EYS: variants seen among roughly 807,000 people sequenced by gnomAD.
EYS encodes EGF-like photoreceptor maintenance factor, also known as protein eyes shut homolog.
A neutral mutation model predicts 282.1 loss-of-function variants in EYS; 250 were observed. The observed-to-expected ratio is 0.89, with a 90% CI of 0.80 to 0.98. EYS has a LOEUF of 0.98. EYS is among the 50% of genes least tolerant of loss of function. EYS has a pLI of 0.00. For missense variants in EYS, 4,016 were observed against 3,709.0 expected, an observed-to-expected ratio of 1.08 and a Z score of -2.15; for synonymous variants, 1,355 against 1,282.9, an observed-to-expected ratio of 1.06 and a Z score of -1.20.
At chr6:64,004,039 A>T (rs761712513) in intron 33 of EYS, among the ~76,000 whole-genome samples, 1 of 152,212 alleles carries the variant, frequency 6.6e-6, no homozygotes, top group Non-Finnish European at 1.5e-5. Context: ...ATGAGAATGG[A>T]CTAATACACA....
intron 12 of EYS, among the ~76,000 whole-genome samples, chr6:65,091,424 T>C (rs992591134): frequency 2.3e-4 from 35 of 150,972 alleles, no homozygotes; most frequent in African/African-American, 8.5e-4. Context: ...CACTCCAGAC[T>C]GGGTGAGAGA....
At chr6:64,396,764 T>C (rs946656120) in intron 28 of EYS, among the ~76,000 whole-genome samples, 2 of 152,110 alleles carry the variant, frequency 1.3e-5, no homozygotes. Flanking sequence ...TTTTCTGTTC[T>C]ACTGGTCAAT....
intron 5 of EYS, among the ~76,000 whole-genome samples, chr6:65,423,877 T>C (rs1767560837): frequency 1.3e-5 from 2 of 152,070 alleles, no homozygotes; most frequent in African/African-American, 2.4e-5. Flanking sequence ...TAGGGTTTAC[T>C]TTATCCCTGA....
intron 23 of EYS, among the ~76,000 whole-genome samples, chr6:64,618,508 C>A (rs1337532158): frequency 6.6e-6 from 1 of 152,126 alleles, no homozygotes; most frequent in Non-Finnish European, 1.5e-5. Flanking sequence ...AATCTGAACC[C>A]TGGCTGTTGG....
intron 22 of EYS, among the ~76,000 whole-genome samples, chr6:64,706,008 A>G (rs1444597885): frequency 9.7e-6 from 1 of 102,838 alleles, no homozygotes; most frequent in African/African-American, 3.4e-5. Context: ...CTAACTAAAT[A>G]AAAATTATTC....
intron 12 of EYS, among the ~76,000 whole-genome samples, chr6:65,085,721 C>T (rs1485208866): frequency 2.0e-5 from 3 of 152,080 alleles, no homozygotes; most frequent in African/African-American, 7.2e-5. Context: ...CAAGGCTTTC[C>T]ATAGTGTCTC....
At chr6:65,513,298 A>G (rs961997549) in intron 2 of EYS, among the ~76,000 whole-genome samples, 1 of 152,128 alleles carries the variant, frequency 6.6e-6, no homozygotes, top group African/African-American at 2.4e-5. Context: ...GCAATAATCA[A>G]TAGCTTACCA....
chr6:64,422,504 C>T (rs1042862630), intron 28 of EYS, among the ~76,000 whole-genome samples: 1 of 152,168 alleles, frequency 6.6e-6, no homozygotes, highest in African/African-American at 2.4e-5. Flanking sequence ...GGTACTTGGT[C>T]AATTGGAATG....
At chr6:64,259,582 C>T (rs115818236) in intron 30 of EYS, among the ~76,000 whole-genome samples, 28 of 151,836 alleles carry the variant, frequency 1.8e-4, no homozygotes, top group Middle Eastern at 3.4e-3. Context: ...TGCCAATTAG[C>T]AAACACAGAT....
chr6:63,878,087 T>G (rs564240108), intron 35 of EYS, among the ~76,000 whole-genome samples: 11 of 152,318 alleles, frequency 7.2e-5, no homozygotes, highest in African/African-American at 2.6e-4. Flanking sequence ...TCTGCTCTGG[T>G]TTCTCCCTAT....
Position 64,886,834 on chromosome 6 carries a change from C to T in EYS, c.2855G>A (p.Cys952Tyr). The change falls in exon 19 of 43, where the codon TGT becomes TAT. Residue 952 changes from cysteine (C) to tyrosine (Y), a missense_variant. Coordinates refer to ENST00000503581, the MANE Select transcript of EYS (RefSeq NM_001142800.2). ...CCCATGGTACTCAGGTTCACAATTA[C>T]AAAAAAATCTGGAGAAAAGTGGAGA... is the stretch of plus-strand genomic sequence containing the variant. ...TCVDLTNRFF[C>Y]NCEPEYHGPF... 4 of 1,515,008 alleles carry T rather than the reference C, an allele frequency of 2.6e-6. No homozygotes were observed. In the South Asian group the frequency reaches 3.9e-5, roughly 15 times the overall value. 93.8% of individuals were successfully genotyped at this position (1,515,008 alleles called of 1,614,324 possible).
intron 29 of EYS, among the ~76,000 whole-genome samples, chr6:64,372,168 C>A (rs1772401461): frequency 1.2e-5 from 1 of 81,130 alleles, no homozygotes; most frequent in East Asian, 3.7e-4. Flanking sequence ...TTTGTAGTGG[C>A]CAGGAATGGT....
chr6:65,424,601 C>T (rs969083586), intron 5 of EYS, among the ~76,000 whole-genome samples: 2 of 152,102 alleles, frequency 1.3e-5, no homozygotes, highest in South Asian at 4.2e-4. Context: ...TTTTACCAAT[C>T]AGTACACAAT....
At chr6:65,459,101 G>C (rs997846926) in intron 5 of EYS, among the ~76,000 whole-genome samples, 1 of 151,978 alleles carries the variant, frequency 6.6e-6, no homozygotes, top group Admixed American at 6.6e-5. Flanking sequence ...TGCTATGATA[G>C]AATTATACAC....
intron 33 of EYS, among the ~76,000 whole-genome samples, chr6:64,056,987 A>G (rs1771007923): frequency 6.6e-6 from 1 of 152,216 alleles, no homozygotes; most frequent in Non-Finnish European, 1.5e-5. Flanking sequence ...CAGCTAATAG[A>G]AAGTTAAAAA....
At chr6:65,585,609 T>C (rs1270515193) in intron 2 of EYS, among the ~76,000 whole-genome samples, 8 of 151,962 alleles carry the variant, frequency 5.3e-5, no homozygotes, top group Admixed American at 5.3e-4. Context: ...GTGTACTCTT[T>C]GAAGCAGAAA....
At chr6:64,297,353 A>T (rs1408921847) in intron 30 of EYS, among the ~76,000 whole-genome samples, 1 of 148,240 alleles carries the variant, frequency 6.7e-6, no homozygotes, top group Non-Finnish European at 1.5e-5. Flanking sequence ...ATAACTGCAT[A>T]TATGAGGAAA....
intron 2 of EYS, among the ~76,000 whole-genome samples, chr6:65,574,432 A>C (rs1764587442): frequency 6.6e-6 from 1 of 152,208 alleles, no homozygotes; most frequent in Non-Finnish European, 1.5e-5. Context: ...AGAATGGAAA[A>C]GATATTCTAT....
chr6:64,370,921 G>T (rs780219465), intron 29 of EYS, among the ~76,000 whole-genome samples: 1 of 151,878 alleles, frequency 6.6e-6, no homozygotes, highest in Admixed American at 6.6e-5. Context: ...TTCTTCATTA[G>T]TCTAGCTAGC....
Sources: allele counts gnomAD v4.1 joint callset (sites outside exome capture counted in the v4.1 genomes callset), GRCh38; gene constraint gnomAD v4.1.1; transcripts MANE v1.5; gene names NCBI Gene and HGNC (gene_info 2026-07-23, HGNC 2026-07-21).